The following NAV3 variants were observed in gnomAD, a reference collection of about 807,000 sequenced individuals.
NAV3 encodes neuron navigator 3, also known as pore membrane and/or filament interacting like protein 1.
A neutral mutation model predicts 244.7 loss-of-function variants in NAV3; 87 were observed. The observed-to-expected ratio is 0.36, with a 90% confidence interval of 0.30 to 0.42. The LOEUF (loss-of-function observed/expected upper bound fraction) is 0.42. NAV3 is among the 20% of genes least tolerant of loss of function. NAV3 has a pLI of 1.00. For synonymous variants in NAV3, 1,126 were observed against 1,042.2 expected (o/e 1.08, Z -1.55); for missense variants, 2,663 against 2,893.3 (o/e 0.92, Z 1.83).
chr12:77,678,348 G>A (rs1874299734), intron 2 of NAV3, among the ~76,000 whole-genome samples: 1 of 152,030 alleles, frequency 6.6e-6, no homozygotes, highest in Non-Finnish European at 1.5e-5. Context: ...TGAAGCTTAA[G>A]CACTTAAACT....
At chr12:77,679,681 G>C (rs910477098) in intron 2 of NAV3, among the ~76,000 whole-genome samples, 7 of 152,192 alleles carry the variant, frequency 4.6e-5, no homozygotes, top group Non-Finnish European at 7.3e-5. Flanking sequence ...AGTGGAAGAA[G>C]AGAATGAACT....
chr12:78,194,698 G>A (rs1022912078), intron 34 of NAV3, among the ~76,000 whole-genome samples: 44 of 152,120 alleles, frequency 2.9e-4, no homozygotes, highest in African/African-American at 1.0e-3. Flanking sequence ...ATTTAAGGTT[G>A]CAGTTTCCTT....
chr12:77,915,712 T>C (rs939916184), intron 1 of NAV3, among the ~76,000 whole-genome samples: 2 of 152,074 alleles, frequency 1.3e-5, no homozygotes, highest in African/African-American at 4.8e-5. Flanking sequence ...TGCATTATTA[T>C]GGTCTCTAGT....
intron 2 of NAV3, among the ~76,000 whole-genome samples, chr12:77,699,878 A>G (rs1369967939): frequency 7.3e-5 from 11 of 151,286 alleles, no homozygotes; most frequent in Admixed American, 6.6e-4. Context: ...AAATTCAGGG[A>G]GGAGGGATAT....
At chr12:77,891,351 A>T (rs1426133200) in intron 1 of NAV3, among the ~76,000 whole-genome samples, 3 of 150,858 alleles carry the variant, frequency 2.0e-5, no homozygotes, top group East Asian at 3.9e-4. Flanking sequence ...ATTTATAAAG[A>T]TTACTTCAAT....
At chr12:77,669,742 C>T (rs1476695749) in intron 2 of NAV3, among the ~76,000 whole-genome samples, 1 of 151,938 alleles carries the variant, frequency 6.6e-6, no homozygotes, top group South Asian at 2.1e-4. Flanking sequence ...AAATGGCAAA[C>T]AATAATAGTA....
At chr12:77,741,828 T>C (rs913414765) in intron 2 of NAV3, among the ~76,000 whole-genome samples, 6 of 152,138 alleles carry the variant, frequency 3.9e-5, no homozygotes, top group African/African-American at 7.2e-5. Context: ...CTAATTCCTT[T>C]TCCTGTCTTA....
intron 1 of NAV3, among the ~76,000 whole-genome samples, chr12:77,886,781 A>C (rs1199402013): frequency 2.6e-5 from 4 of 152,180 alleles, no homozygotes; most frequent in Non-Finnish European, 4.4e-5. Context: ...CCTATCAATA[A>C]ATAATCATTG....
intron 2 of NAV3, among the ~76,000 whole-genome samples, chr12:77,691,335 G>GTATATATATATATATATATA (rs1455098694): frequency 9.7e-6 from 1 of 103,456 alleles, no homozygotes; most frequent in African/African-American, 3.5e-5. Flanking sequence ...TTGTGTATGT[G>GTATATATATATATATATATA]TGTATATATA....
chr12:77,953,057 C>T (rs1891045828), intron 3 of NAV3, among the ~76,000 whole-genome samples: 1 of 152,110 alleles, frequency 6.6e-6, no homozygotes, highest in South Asian at 2.1e-4. Flanking sequence ...TCAATGAATA[C>T]TGATGTAATT....
intron 2 of NAV3, among the ~76,000 whole-genome samples, chr12:77,721,000 T>C (rs560904020): frequency 6.6e-6 from 1 of 152,318 alleles, no homozygotes; most frequent in Non-Finnish European, 1.5e-5. Flanking sequence ...CTGAGTCTGC[T>C]CTAGAATGGT....
At chr12:78,142,705 G>GTA (rs1216861868) in intron 20 of NAV3, among the ~76,000 whole-genome samples, 5 of 64,786 alleles carry the variant, frequency 7.7e-5, no homozygotes, top group Non-Finnish European at 1.6e-4. Flanking sequence ...ATATGTATGT[G>GTA]TATATATATA....
chr12:77,952,338 A>G (rs1176025559), intron 3 of NAV3, among the ~76,000 whole-genome samples: 1 of 152,086 alleles, frequency 6.6e-6, no homozygotes, highest in Non-Finnish European at 1.5e-5. Context: ...GTCTCGCACT[A>G]TTTGTTGAAA....
chr12:78,067,206 G>A (rs1474305554), intron 12 of NAV3, among the ~76,000 whole-genome samples: 1 of 152,058 alleles, frequency 6.6e-6, no homozygotes, highest in Non-Finnish European at 1.5e-5. Context: ...CACAGAATTA[G>A]TATACTCCCA....
At chr12:77,964,045 CCTT>C (rs1361197697) in intron 3 of NAV3, among the ~76,000 whole-genome samples, 4 of 143,580 alleles carry the variant, frequency 2.8e-5, no homozygotes, top group Admixed American at 7.0e-5. Flanking sequence ...TTCTCCTTCT[CCTT>C]CTTCTTTCTT....
chr12:77,792,261 A>G (rs1221322749), intron 2 of NAV3, among the ~76,000 whole-genome samples: 1 of 152,228 alleles, frequency 6.6e-6, no homozygotes, highest in Non-Finnish European at 1.5e-5. Context: ...CAGGTGGGCA[A>G]GAAATAAAAC....
intron 5 of NAV3, among the ~76,000 whole-genome samples, chr12:77,984,271 C>A (rs139261097): frequency 7.5e-4 from 114 of 152,208 alleles, no homozygotes; most frequent in African/African-American, 2.5e-3. Context: ...GACCAAGAGC[C>A]ACAGTTAAAA....
intron 2 of NAV3, among the ~76,000 whole-genome samples, chr12:77,772,262 C>CT (rs1870132063): frequency 6.6e-6 from 1 of 152,084 alleles, no homozygotes; most frequent in South Asian, 2.1e-4. Context: ...ATATCAAGAA[C>CT]TTTGCATGCT....
intron 2 of NAV3, among the ~76,000 whole-genome samples, chr12:77,819,320 T>C (rs1237187011): frequency 6.6e-6 from 1 of 151,842 alleles, no homozygotes; most frequent in Non-Finnish European, 1.5e-5. Context: ...ATAAGTATGC[T>C]AAACATTCTG....
Sources: gnomAD v4.1 joint callset for allele counts (sites outside exome capture counted in the v4.1 genomes callset) on GRCh38, gnomAD v4.1.1 for gene constraint, MANE v1.5 for transcripts, NCBI Gene and HGNC (gene_info 2026-07-23, HGNC 2026-07-21) for gene names.